RNF150: variants seen among roughly 807,000 people sequenced by gnomAD.
RNF150 encodes ring finger protein 150.
RNF150 carries 24 observed loss-of-function variants against 39.3 expected under a neutral mutation model. The ratio of observed to expected loss-of-function variants is 0.61; its 90% CI spans 0.44 to 0.86. RNF150 has a LOEUF of 0.86. RNF150 is among the 40% of genes least tolerant of loss of function. RNF150 has a pLI of 0.00. For missense variants in RNF150, 502 were observed against 587.8 expected (o/e 0.85, Z 1.51); for synonymous variants, 255 against 227.3 (o/e 1.12, Z -1.10).
intron 1 of RNF150, among the ~76,000 whole-genome samples, chr4:141,093,411 GCC>G (rs10570480): frequency 0.086 from 12,862 of 150,146 alleles, 1,255 homozygotes; most frequent in East Asian, 0.46. Context: ...TGAAGCTGAA[GCC>G]CCAGCAGGGC....
At chr4:140,992,110 T>C (rs1201490530) in intron 1 of RNF150, among the ~76,000 whole-genome samples, 6 of 152,222 alleles carry the variant, frequency 3.9e-5, no homozygotes, top group Non-Finnish European at 8.8e-5. Context: ...TTTAGTATAC[T>C]TGGGTTTATT....
intron 1 of RNF150, among the ~76,000 whole-genome samples, chr4:141,026,918 C>T (rs761226999): frequency 2.6e-5 from 4 of 152,144 alleles, no homozygotes; most frequent in Non-Finnish European, 5.9e-5. Context: ...TCTGAAGATA[C>T]CTGAGCAGGG....
chr4:141,104,167 G>C (rs1413488676), intron 1 of RNF150, among the ~76,000 whole-genome samples: 1 of 152,104 alleles, frequency 6.6e-6, no homozygotes, highest in Non-Finnish European at 1.5e-5. Context: ...CCAAAGCCCT[G>C]TGGAGAATGT....
chr4:141,059,573 A>G lies in RNF150; in HGVS notation c.484+72752T>C, dbSNP rs373273956. Among the ~76,000 whole-genome samples the G allele has an allele frequency of 8.5e-5, 13 of 152,108 alleles. No individual in the cohort carries two copies. The East Asian group carries it at 1.7e-3, about 20-fold the overall frequency. On this transcript the variant is annotated intron_variant, in intron 1 of 6. Transcript: ENST00000515673. ...TGCAATTCTCTATTTTTTTTGCAGTAATTTCTTTCCTAACATTAAAAACCT... is the reference window on the plus strand; with the variant it reads ...TGCAATTCTCTATTTTTTTTGCAGTGATTTCTTTCCTAACATTAAAAACCT...
chr4:141,095,887 T>G (rs537666480), intron 1 of RNF150, among the ~76,000 whole-genome samples: 1 of 152,196 alleles, frequency 6.6e-6, no homozygotes, highest in East Asian at 1.9e-4. Flanking sequence ...CTGAGAACAT[T>G]TTTTATTTGT....
intron 1 of RNF150, among the ~76,000 whole-genome samples, chr4:141,064,810 T>C (rs1737389113): frequency 6.6e-6 from 1 of 151,952 alleles, no homozygotes; most frequent in Non-Finnish European, 1.5e-5. Context: ...AGGCAGAGGG[T>C]TTGACACTAC....
rs1726913859 is a variant in RNF150, at chr4:141,132,275, C to T, written c.484+50G>A. 2 of 1,544,088 alleles carry T rather than the reference C, an allele frequency of 1.3e-6. No homozygotes were observed. The highest frequency in any genetic ancestry group is 3.9e-5 in the Admixed American group (2 of 50,660). ...GAGGCAGGCGCTGGATCCCTCTAGG[C>T]ACCTCCGTCCCCGCCGGCTCCCCTC... On this transcript the variant is annotated intron_variant, in intron 1 of 6. Transcript: ENST00000515673. This position sits in a 1 kb window ranked among gnomAD's most constrained non-coding sequence, Gnocchi z 4.9.
At chr4:141,187,781 G>A (rs1728038699) in intron 1 of RNF150, among the ~76,000 whole-genome samples, 1 of 152,176 alleles carries the variant, frequency 6.6e-6, no homozygotes, top group Admixed American at 6.5e-5. Flanking sequence ...ACAGCACACT[G>A]ATGAGTCTTG....
chr4:141,153,891 T>C (rs1347295101), intron 1 of RNF150, among the ~76,000 whole-genome samples: 1 of 152,148 alleles, frequency 6.6e-6, no homozygotes. Flanking sequence ...CACAGTGTAA[T>C]GTATGGCTAA....
At chr4:141,012,645 T>A (rs1735114366) in intron 1 of RNF150, among the ~76,000 whole-genome samples, 1 of 150,158 alleles carries the variant, frequency 6.7e-6, no homozygotes. Flanking sequence ...AAGCCGGGAG[T>A]GGTGGCACGT....
chr4:140,955,355 G>C (rs946521479), intron 2 of RNF150, among the ~76,000 whole-genome samples: 2 of 152,164 alleles, frequency 1.3e-5, no homozygotes, highest in Non-Finnish European at 2.9e-5. Context: ...GTTGTTGGAG[G>C]TGTTGTAGAG....
intron 4 of RNF150, among the ~76,000 whole-genome samples, chr4:140,946,744 G>A (rs1360506004): frequency 2.0e-5 from 3 of 152,102 alleles, no homozygotes; most frequent in South Asian, 2.1e-4. Flanking sequence ...GGTCTCAAGC[G>A]ATCCTCCTGT....
At chr4:141,049,165 T>C (rs1259070208) in intron 1 of RNF150, among the ~76,000 whole-genome samples, 2 of 152,016 alleles carry the variant, frequency 1.3e-5, no homozygotes, top group Admixed American at 1.3e-4. Context: ...ATATTTTGCT[T>C]AAAGTGAAAA....
chr4:141,205,447 A>G (rs1419981693), intron 1 of RNF150, among the ~76,000 whole-genome samples: 1 of 152,188 alleles, frequency 6.6e-6, no homozygotes, highest in Admixed American at 6.5e-5. Flanking sequence ...TGGAAAGGCA[A>G]AATTAGAGAG....
chr4:141,059,447 A>G (rs1737124941), intron 1 of RNF150, among the ~76,000 whole-genome samples: 4 of 152,222 alleles, frequency 2.6e-5, no homozygotes, highest in Admixed American at 2.6e-4. Context: ...AAAGTCATAT[A>G]CATTTTTTAA....
At chr4:141,030,481 A>G (rs561282016) in intron 1 of RNF150, among the ~76,000 whole-genome samples, 1 of 152,296 alleles carries the variant, frequency 6.6e-6, no homozygotes, top group African/African-American at 2.4e-5. Flanking sequence ...CTGAATGCAG[A>G]GTCTGGAAGA....
intron 1 of RNF150, among the ~76,000 whole-genome samples, chr4:141,079,121 A>G (rs952695978): frequency 6.6e-6 from 1 of 152,100 alleles, no homozygotes; most frequent in Admixed American, 6.5e-5. Flanking sequence ...ATGAAGAGAT[A>G]TGCCCAATTC....
intron 1 of RNF150, among the ~76,000 whole-genome samples, chr4:141,094,008 C>T (rs1379685480): frequency 1.3e-5 from 2 of 152,010 alleles, no homozygotes; most frequent in African/African-American, 4.8e-5. Flanking sequence ...ATTGAAAGTC[C>T]ATGGACAGGC....
intron 1 of RNF150, among the ~76,000 whole-genome samples, chr4:141,124,811 T>C (rs930637179): frequency 1.3e-5 from 2 of 152,216 alleles, no homozygotes; most frequent in Non-Finnish European, 2.9e-5. Context: ...CTAATATATG[T>C]ACTCATATCT....
Sources: allele counts gnomAD v4.1 joint callset (sites outside exome capture counted in the v4.1 genomes callset), GRCh38; gene constraint gnomAD v4.1.1; non-coding constraint Gnocchi (gnomAD v3.1); transcripts MANE v1.5; gene names NCBI Gene and HGNC (gene_info 2026-07-23, HGNC 2026-07-21).